Variants in SPAG16 observed in about 807,000 individuals in gnomAD.
The protein encoded by SPAG16 is sperm-associated antigen 16 protein.
SPAG16 carries 86 observed loss-of-function variants against 80.4 expected under a neutral mutation model. That is an observed-to-expected ratio of 1.07 (90% confidence interval 0.90 to 1.28). SPAG16 has a LOEUF of 1.28. Among genes scored for constraint, SPAG16 ranks in the 50% most tolerant of loss-of-function variants. The pLI, the probability that SPAG16 is intolerant of heterozygous loss-of-function variation, is 0.00. For synonymous variants in SPAG16, 294 were observed against 265.9 expected (o/e 1.11, Z -1.03); for missense variants, 870 against 765.3 (o/e 1.14, Z -1.61).
At chr2:213,880,473 G>T (rs973844771) in intron 11 of SPAG16, among the ~76,000 whole-genome samples, 3 of 152,084 alleles carry the variant, frequency 2.0e-5, no homozygotes, top group African/African-American at 7.2e-5. Flanking sequence ...CAGATCTTTA[G>T]TTTAATTAGG....
chr2:213,773,077 AT>A (rs1348338284), intron 10 of SPAG16, among the ~76,000 whole-genome samples: 1 of 151,960 alleles, frequency 6.6e-6, no homozygotes, highest in Non-Finnish European at 1.5e-5. Flanking sequence ...GTCTTTGATA[AT>A]TTTGATATAT....
At chr2:213,440,134 G>T (rs1022410017) in intron 9 of SPAG16, among the ~76,000 whole-genome samples, 1 of 152,108 alleles carries the variant, frequency 6.6e-6, no homozygotes, top group African/African-American at 2.4e-5. Context: ...TTGTTAGCAA[G>T]CTTGCCCTAC....
At chr2:214,036,081 T>C (rs2048681720) in intron 13 of SPAG16, among the ~76,000 whole-genome samples, 1 of 152,264 alleles carries the variant, frequency 6.6e-6, no homozygotes, top group African/African-American at 2.4e-5. Flanking sequence ...ATTAATTTAT[T>C]TTCTACCAAA....
intron 15 of SPAG16, among the ~76,000 whole-genome samples, chr2:214,281,849 A>C (rs184086800): frequency 2.6e-5 from 4 of 152,364 alleles, no homozygotes; most frequent in Non-Finnish European, 5.9e-5. Context: ...ACTACTGATA[A>C]ACACAGTGTG....
intron 13 of SPAG16, among the ~76,000 whole-genome samples, chr2:214,060,726 A>G (rs1219021776): frequency 6.6e-6 from 1 of 152,194 alleles, no homozygotes; most frequent in Non-Finnish European, 1.5e-5. Context: ...CAGAATTCCA[A>G]TAGGATTGCT....
intron 10 of SPAG16, among the ~76,000 whole-genome samples, chr2:213,525,399 CT>C (rs1345644534): frequency 1.4e-5 from 2 of 141,758 alleles, no homozygotes; most frequent in African/African-American, 5.2e-5. Context: ...AGCTATTCTT[CT>C]GCCTCAGCCT....
intron 10 of SPAG16, among the ~76,000 whole-genome samples, chr2:213,642,561 A>C (rs1307040067): frequency 6.6e-6 from 1 of 151,684 alleles, no homozygotes; most frequent in East Asian, 1.9e-4. Context: ...GGCACCATCT[A>C]ATCAGCTGCC....
intron 15 of SPAG16, among the ~76,000 whole-genome samples, chr2:214,177,920 T>C (rs1249013580): frequency 2.3e-5 from 3 of 132,806 alleles, no homozygotes; most frequent in East Asian, 2.3e-4. Context: ...TATATACATA[T>C]ATATATATAT....
intron 15 of SPAG16, among the ~76,000 whole-genome samples, chr2:214,388,245 G>A (rs530472652): frequency 1.3e-5 from 2 of 151,798 alleles, no homozygotes; most frequent in East Asian, 3.9e-4. Context: ...GGTAGAGCCT[G>A]GCACATAAAA....
chr2:213,750,679 A>G (rs578247692), intron 10 of SPAG16, among the ~76,000 whole-genome samples: 15 of 152,130 alleles, frequency 9.9e-5, no homozygotes, highest in African/African-American at 3.1e-4. Context: ...GTTTCCTAGG[A>G]CCACTTGAAG....
At chr2:214,181,023 CA>C (rs2057293903) in intron 15 of SPAG16, among the ~76,000 whole-genome samples, 1 of 151,614 alleles carries the variant, frequency 6.6e-6, no homozygotes, top group Admixed American at 6.6e-5. Context: ...ATGTACCATC[CA>C]AAAGTAAACA....
chr2:213,469,001 G>T (rs2072915777), intron 9 of SPAG16, among the ~76,000 whole-genome samples: 1 of 151,942 alleles, frequency 6.6e-6, no homozygotes, highest in Admixed American at 6.6e-5. Flanking sequence ...TGATTAGATT[G>T]TGCCCACCCA....
At chr2:213,322,334 C>CAAAAAAA (rs755345457) in intron 5 of SPAG16, among the ~76,000 whole-genome samples, 18 of 23,576 alleles carry the variant, frequency 7.6e-4, no homozygotes, top group African/African-American at 2.7e-3. Context: ...GTAGACAATG[C>CAAAAAAA]AAAAAAAAAA....
At chr2:213,715,973 A>G (rs528347697) in intron 10 of SPAG16, among the ~76,000 whole-genome samples, 43 of 152,222 alleles carry the variant, frequency 2.8e-4, no homozygotes, top group Non-Finnish European at 5.0e-4. Flanking sequence ...TCTAGTAGGA[A>G]GTGATAAAAC....
At chr2:213,395,577 T>A (rs1220290231) in intron 9 of SPAG16, among the ~76,000 whole-genome samples, 1 of 152,188 alleles carries the variant, frequency 6.6e-6, no homozygotes, top group Non-Finnish European at 1.5e-5. Context: ...TCACATTGCC[T>A]TTTGTTGCTA....
intron 10 of SPAG16, among the ~76,000 whole-genome samples, chr2:213,734,538 G>A (rs562792383): frequency 1.3e-5 from 2 of 152,268 alleles, no homozygotes; most frequent in Admixed American, 1.3e-4. Flanking sequence ...TCATATGCTT[G>A]CAGTAGATTT....
At chr2:214,080,103 G>A (rs951932487) in intron 13 of SPAG16, among the ~76,000 whole-genome samples, 4 of 152,060 alleles carry the variant, frequency 2.6e-5, no homozygotes, top group African/African-American at 7.2e-5. Context: ...TAATTTGTAA[G>A]AATTCAATTA....
intron 15 of SPAG16, among the ~76,000 whole-genome samples, chr2:214,397,542 A>G (rs931002750): frequency 6.6e-6 from 1 of 152,104 alleles, no homozygotes; most frequent in African/African-American, 2.4e-5. Context: ...TTCCCACTTT[A>G]CCCCTACCTT....
At chr2:214,260,978 G>A (rs767199188) in intron 15 of SPAG16, among the ~76,000 whole-genome samples, 1 of 151,544 alleles carries the variant, frequency 6.6e-6, no homozygotes, top group Admixed American at 6.6e-5. Flanking sequence ...GTGGTGGTGG[G>A]CACCTGTAAT....
Sources: gnomAD v4.1 joint callset for allele counts (sites outside exome capture counted in the v4.1 genomes callset) on GRCh38, gnomAD v4.1.1 for gene constraint, MANE v1.5 for transcripts, NCBI Gene and HGNC (gene_info 2026-07-23, HGNC 2026-07-21) for gene names.